Variants in RARB observed in about 807,000 individuals in gnomAD.
The protein encoded by RARB is HBV-activated protein.
Under a neutral mutation model 51.9 loss-of-function variants are expected in RARB, and 17 were observed. The observed-to-expected ratio is 0.33, with a 90% CI of 0.22 to 0.49. RARB has a LOEUF of 0.49. RARB is among the 20% of genes least tolerant of loss of function. RARB has a pLI of 0.99. For missense variants in RARB, 369 were observed against 550.8 expected, an observed-to-expected ratio of 0.67 and a Z score of 3.30; for synonymous variants, 215 against 195.4, an observed-to-expected ratio of 1.10 and a Z score of -0.84.
rs1265103351 is a variant in RARB, at chr3:25,007,603, A to C, written c.-379-52522A>C. ...GAGTGAGACTGTCTCAAAAAAAAAA[A>C]ACAAAAAAACCTCATATTTTCTGAA... is the stretch of plus-strand genomic sequence containing the variant. On this transcript the variant is annotated intron_variant, in intron 2 of 11. Coordinates refer to the RARB transcript ENST00000383772. Among the ~76,000 whole-genome samples, 2 of 145,802 alleles carry C rather than the reference A, an allele frequency of 1.4e-5. 1 individual carries two copies. The highest frequency in any genetic ancestry group is 5.1e-5 in the African/African-American group (2 of 39,220).
chr3:25,111,571 T>C (rs1699600796), intron 3 of RARB, among the ~76,000 whole-genome samples: 1 of 147,998 alleles, frequency 6.8e-6, no homozygotes, highest in South Asian at 2.1e-4. Flanking sequence ...ATGATCTCCG[T>C]TTCTAACAGT....
At chr3:25,454,875 A>G (rs1694835206) in intron 1 of RARB, among the ~76,000 whole-genome samples, 1 of 152,232 alleles carries the variant, frequency 6.6e-6, no homozygotes, top group Admixed American at 6.5e-5. Context: ...GGTGAGTTAA[A>G]TTCGTAAGTG....
At chr3:25,265,684 C>CT (rs1356671333) in intron 5 of RARB, among the ~76,000 whole-genome samples, 1 of 152,108 alleles carries the variant, frequency 6.6e-6, no homozygotes, top group African/African-American at 2.4e-5. Context: ...GTTGCCCAGA[C>CT]TGGTCTTGAA....
chr3:25,037,234 G>A (rs1014979390), intron 2 of RARB, among the ~76,000 whole-genome samples: 7 of 151,464 alleles, frequency 4.6e-5, no homozygotes, highest in African/African-American at 1.7e-4. Flanking sequence ...CTAGATTAAA[G>A]CACGTTTTAA....
chr3:24,902,573 T>A (rs879897053), intron 2 of RARB, among the ~76,000 whole-genome samples: 3 of 152,216 alleles, frequency 2.0e-5, no homozygotes, highest in Admixed American at 2.0e-4. Context: ...TGAATTTATA[T>A]GTATTGTACA....
intron 3 of RARB, among the ~76,000 whole-genome samples, chr3:25,080,931 A>G (rs1331776127): frequency 6.6e-6 from 1 of 151,908 alleles, no homozygotes; most frequent in Non-Finnish European, 1.5e-5. Flanking sequence ...GTAGTTATTA[A>G]TTTTTAAAAA....
intron 5 of RARB, among the ~76,000 whole-genome samples, chr3:25,355,050 C>G (rs1053066973): frequency 5.3e-5 from 8 of 152,058 alleles, no homozygotes; most frequent in Admixed American, 2.6e-4. Flanking sequence ...GGTCTACAGT[C>G]AACATCCAGA....
At chr3:25,155,146 C>G (rs182897084) in intron 4 of RARB, among the ~76,000 whole-genome samples, 1 of 152,256 alleles carries the variant, frequency 6.6e-6, no homozygotes, top group Non-Finnish European at 1.5e-5. Context: ...AATATTGCTT[C>G]CCCAATATAT....
chr3:25,400,975 C>G (rs564807499), intron 5 of RARB, among the ~76,000 whole-genome samples: 25 of 152,014 alleles, frequency 1.6e-4, no homozygotes, highest in Non-Finnish European at 3.4e-4. Context: ...AGGGGTCAAC[C>G]CCTCTGAAAA....
At chr3:24,941,896 A>G (rs910332172) in intron 2 of RARB, among the ~76,000 whole-genome samples, 7 of 152,204 alleles carry the variant, frequency 4.6e-5, no homozygotes, top group Non-Finnish European at 2.9e-5. Flanking sequence ...AATCTTCTGA[A>G]TTTGCAGTTC....
rs139082774 is a variant in RARB at position 25,066,723 on chromosome 3, T to A, written c.-328+6547T>A. 1.6e-3 allele frequency among the ~76,000 whole-genome samples: 250 copies of A among 151,984 alleles called. 1 individual carries two copies. Among genetic ancestry groups the A allele is most frequent in the African/African-American group, 5.9e-3 (244 of 41,450 alleles). ...CAATTACAAAAATACTATATAAACA[T>A]TGTAGAAAATTCCAAAAATACCAAA... is the stretch of plus-strand genomic sequence containing the variant. On this transcript the variant is annotated intron_variant, in intron 3 of 11. Transcript: ENST00000383772.
At chr3:25,148,569 T>A (rs1700231742) in intron 4 of RARB, among the ~76,000 whole-genome samples, 1 of 152,202 alleles carries the variant, frequency 6.6e-6, no homozygotes. Flanking sequence ...TACTAAGTAA[T>A]CACTGTCGCT....
At chr3:25,570,444 A>G (rs1700664864) in intron 4 of RARB, among the ~76,000 whole-genome samples, 1 of 152,212 alleles carries the variant, frequency 6.6e-6, no homozygotes, top group Non-Finnish European at 1.5e-5. Flanking sequence ...GACATGTACA[A>G]AACCCCCAAG....
At chr3:25,266,434 GT>G (rs1164525144) in intron 5 of RARB, among the ~76,000 whole-genome samples, 2 of 151,902 alleles carry the variant, frequency 1.3e-5, no homozygotes, top group Non-Finnish European at 2.9e-5. Flanking sequence ...ATTTATTGGA[GT>G]TTTTTATATA....
chr3:24,908,055 G>GTATT, intron 2 of RARB, among the ~76,000 whole-genome samples: 1 of 152,014 alleles, frequency 6.6e-6, no homozygotes, highest in Admixed American at 6.6e-5. Flanking sequence ...GATTTGAGAG[G>GTATT]TATTCCTTTC....
intron 2 of RARB, among the ~76,000 whole-genome samples, chr3:24,869,073 C>A (rs373977092): frequency 8.5e-5 from 13 of 152,126 alleles, no homozygotes; most frequent in Non-Finnish European, 1.5e-4. Flanking sequence ...TTTTCATCAA[C>A]ACCCTTCATG....
intron 2 of RARB, among the ~76,000 whole-genome samples, chr3:25,012,789 T>C (rs148813913): frequency 6.6e-6 from 1 of 152,054 alleles, no homozygotes; most frequent in Non-Finnish European, 1.5e-5. Context: ...TAAAATGAAA[T>C]AATTTGATTA....
intron 3 of RARB, among the ~76,000 whole-genome samples, chr3:25,088,892 A>G (rs560475951): frequency 2.3e-4 from 35 of 152,230 alleles, no homozygotes; most frequent in Non-Finnish European, 4.3e-4. Context: ...TAATAATGAA[A>G]AAAGAAGGAA....
intron 2 of RARB, among the ~76,000 whole-genome samples, chr3:24,933,901 A>T (rs1695492720): frequency 6.6e-6 from 1 of 152,162 alleles, no homozygotes; most frequent in Non-Finnish European, 1.5e-5. Context: ...ACAAATAGAG[A>T]TGCATTTGTA....
Sources: gnomAD v4.1 joint callset for allele counts (sites outside exome capture counted in the v4.1 genomes callset) on GRCh38, gnomAD v4.1.1 for gene constraint, MANE v1.5 for transcripts, NCBI Gene and HGNC (gene_info 2026-07-23, HGNC 2026-07-21) for gene names.